The following ORAI2 variants were observed in gnomAD, a reference collection of about 807,000 sequenced individuals.
The protein encoded by ORAI2 is protein orai-2.
A neutral mutation model predicts 16.2 loss-of-function variants in ORAI2; 10 were observed. The observed-to-expected ratio is 0.62, with a 90% CI of 0.38 to 1.04. The LOEUF (loss-of-function observed/expected upper bound fraction) is 1.04, where lower values mean the gene tolerates loss of function less well. ORAI2 is among the 50% of genes least tolerant of loss of function. The pLI is 0.01. For missense variants in ORAI2, 238 were observed against 355.5 expected, an observed-to-expected ratio of 0.67 and a Z score of 2.66; for synonymous variants, 150 against 157.5, an observed-to-expected ratio of 0.95 and a Z score of 0.35.
chr7:102,441,633 T>C (rs546872753), intron 3 of ORAI2, among the ~76,000 whole-genome samples: 1 of 151,988 alleles, frequency 6.6e-6, no homozygotes, highest in Non-Finnish European at 1.5e-5. Flanking sequence ...TATTTTTTTC[T>C]TCACCTTATA....
chr7:102,443,125 C>A (rs140293242), intron 3 of ORAI2, among the ~76,000 whole-genome samples: 1 of 26,622 alleles, frequency 3.8e-5, no homozygotes, highest in African/African-American at 7.3e-5. Context: ...TCTTCTTCTT[C>A]TTCTTCTTTT....
At chr7:102,443,156 G>T (rs1797259248) in intron 3 of ORAI2, among the ~76,000 whole-genome samples, 1 of 139,072 alleles carries the variant, frequency 7.2e-6, no homozygotes, top group Admixed American at 7.4e-5. Context: ...AATAGAGATG[G>T]GGTCTCGTTT....
chr7:102,444,958 C>T (rs1017251913), intron 3 of ORAI2, among the ~76,000 whole-genome samples: 12 of 152,012 alleles, frequency 7.9e-5, no homozygotes, highest in African/African-American at 2.7e-4. Context: ...TGAGCCACCG[C>T]GCCTGGCTGA....
rs1043811879 is a variant in ORAI2, at chr7:102,456,078, G to C, written c.*9026G>C. On this transcript the variant is annotated 3_prime_UTR_variant, in exon 4 of 4. Coordinates refer to ENST00000495936, the MANE Select transcript of ORAI2 (RefSeq NM_001126340.3). Reference sequence around the variant, plus strand: ...CATTTTGTCCCATAGTGGTGGGAGAGAGGGCTGGCCACATGGGTCCAGGCC... The same window carrying C: ...CATTTTGTCCCATAGTGGTGGGAGACAGGGCTGGCCACATGGGTCCAGGCC... 6.5e-6 allele frequency: 1 copy of C among 153,470 alleles called. No homozygotes were observed. The highest frequency in any genetic ancestry group is 2.4e-5 in the African/African-American group (1 of 41,382). The allele number at this position is 153,470 out of a possible 1,614,324, so 9.5% of individuals were successfully genotyped here.
chr7:102,444,263 A>AT (rs1016467069), intron 3 of ORAI2, among the ~76,000 whole-genome samples: 3 of 149,450 alleles, frequency 2.0e-5, no homozygotes, highest in African/African-American at 7.4e-5. Flanking sequence ...TTATTTATTT[A>AT]TTTTTTTGTG....
intron 3 of ORAI2, among the ~76,000 whole-genome samples, chr7:102,444,501 C>CT (rs896267650): frequency 1.7e-5 from 1 of 58,372 alleles, no homozygotes; most frequent in Non-Finnish European, 5.1e-5. Context: ...GATCCGCCCC[C>CT]CCCCGCCCCC....
chr7:102,452,165 C>CGAA lies in ORAI2; in HGVS notation c.*5113_*5114insGAA, dbSNP rs1797539710. The stretch of plus-strand genomic sequence containing the variant: ...TTTTTTTTTTTGAGACAGAGTCGCT[C>CGAA]TGTCACCCAAGCTGGAATGCGGTGG... On this transcript the variant is annotated 3_prime_UTR_variant, in exon 4 of 4. Coordinates refer to ENST00000495936, the MANE Select transcript of ORAI2 (RefSeq NM_001126340.3). The CGAA allele has an allele frequency of 6.6e-6, 1 of 151,394 alleles. No homozygotes were observed. Among genetic ancestry groups the CGAA allele is most frequent in the Non-Finnish European group, 1.5e-5 (1 of 67,980 alleles). The allele number at this position is 151,394 out of a possible 1,614,324, so 9.4% of individuals were successfully genotyped here. A position where few individuals can be genotyped will look rare whatever the true frequency, so the allele number is the denominator to read the frequency against.
chr7:102,445,801 T>C lies in ORAI2; in HGVS notation c.226-712T>C, dbSNP rs568937861. On this transcript the variant is annotated intron_variant, in intron 3 of 3. Transcript: ENST00000495936. ...CAGCCAGTTTTTCACTTCTTTCTTT[T>C]GTTTCCTTCCTTCCTTCCTCCCTCC... is the stretch of plus-strand genomic sequence containing the variant. 7.9e-4 allele frequency among the ~76,000 whole-genome samples: 111 copies of C among 141,268 alleles called. 2 individuals are homozygous for C. Among genetic ancestry groups the C allele is most frequent in the South Asian group, 2.6e-3 (11 of 4,276 alleles). 92.7% of individuals were successfully genotyped at this position (141,268 alleles called of 152,430 possible).
At position 102,447,554 on chromosome 7, in the gene ORAI2, G is replaced by A. The variant is rs182356251; in HGVS notation, c.*502G>A. ...GGCGTTTGAGTGGGTGCAGGTGCAC[G>A]CCAGGGCTTGGTGCTTCCCTGCCTG... On this transcript the variant is annotated 3_prime_UTR_variant, in exon 4 of 4. Coordinates refer to ENST00000495936, the MANE Select transcript of ORAI2 (RefSeq NM_001126340.3). 71 of 156,744 alleles carry A rather than the reference G, an allele frequency of 4.5e-4. 1 individual carries two copies. The highest frequency in any genetic ancestry group is 1.3e-3 in the South Asian group (7 of 5,192). The allele number at this position is 156,744 out of a possible 1,614,324, so 9.7% of individuals were successfully genotyped here. A position where few individuals can be genotyped will look rare whatever the true frequency, so the allele number is the denominator to read the frequency against.
In ORAI2 at chr7:102,447,758, A is replaced by AT. The variant is rs961970018; in HGVS notation, c.*707dup. On this transcript the variant is annotated 3_prime_UTR_variant, in exon 4 of 4. Transcript: ENST00000495936. ...AGACATGTTCACGGGCATCTATCAG[A>AT]TGCCCCCTTGAGGAGGCTGAGTTAT... 3.3e-5 allele frequency: 5 copies of AT among 152,382 alleles called. No individual in the cohort carries two copies. Among genetic ancestry groups the AT allele is most frequent in the Admixed American group, 3.3e-4 (5 of 15,280 alleles). The allele number at this position is 152,382 out of a possible 1,614,324, so 9.4% of individuals were successfully genotyped here.
rs980494873 is a variant in ORAI2, at chr7:102,451,050, A to C, written c.*3998A>C. ...ACCCTGTCTCTACTAAAAATACAAAAATTAGCCGGGCGTAGTGACACACGC... is the reference window on the plus strand; with the variant it reads ...ACCCTGTCTCTACTAAAAATACAAACATTAGCCGGGCGTAGTGACACACGC... On this transcript the variant is annotated 3_prime_UTR_variant, in exon 4 of 4. Coordinates refer to ENST00000495936, the MANE Select transcript of ORAI2 (RefSeq NM_001126340.3). The C allele has an allele frequency of 6.6e-6, 1 of 151,884 alleles. No homozygotes were observed. The highest frequency in any genetic ancestry group is 1.5e-5 in the Non-Finnish European group (1 of 68,014). The allele number at this position is 151,884 out of a possible 1,614,324, so 9.4% of individuals were successfully genotyped here.
At position 102,455,252 on chromosome 7, in the gene ORAI2, G is replaced by A. The variant is rs2133246108; in HGVS notation, c.*8200G>A. 6.6e-6 allele frequency: 1 copy of A among 152,538 alleles called. No homozygotes were observed. The highest frequency in any genetic ancestry group is 1.9e-4 in the East Asian group (1 of 5,192). The allele number at this position is 152,538 out of a possible 1,614,324, so 9.4% of individuals were successfully genotyped here. ...AGGAAAAGAAAAAGGAAACATACGA[G>A]GCTATGGGGCCGTGTACGGGGGCCA... On this transcript the variant is annotated 3_prime_UTR_variant, in exon 4 of 4. Coordinates refer to ENST00000495936, the MANE Select transcript of ORAI2 (RefSeq NM_001126340.3).
rs1369784296 is a variant in ORAI2 at position 102,447,067 on chromosome 7, G to A, written c.*15G>A. The A allele has an allele frequency of 1.3e-6, 2 of 1,515,800 alleles. No individual in the cohort carries two copies. The highest frequency in any genetic ancestry group is 2.5e-5 in the East Asian group (1 of 40,742). 93.9% of individuals were successfully genotyped at this position (1,515,800 alleles called of 1,614,324 possible). A position where few individuals can be genotyped will look rare whatever the true frequency, so the allele number is the denominator to read the frequency against. ...AGGTCTTGTGAGGGGCCGAGGGCCG[G>A]GGCTGGGAGCGGCCCTGTGCCCGGG... On this transcript the variant is annotated 3_prime_UTR_variant, in exon 4 of 4. Transcript: ENST00000495936.
At position 102,446,414 on chromosome 7, in the gene ORAI2, C is replaced by T. The variant is rs977740702; in HGVS notation, c.226-99C>T. On this transcript the variant is annotated intron_variant, in intron 3 of 3. Coordinates refer to ENST00000495936, the MANE Select transcript of ORAI2 (RefSeq NM_001126340.3). ...GCAAGCCCATGGCTACCCTGTCCCCCGAACCTGGCCCAGCCCCTGCTCTGC... is the reference window on the plus strand; with the variant it reads ...GCAAGCCCATGGCTACCCTGTCCCCTGAACCTGGCCCAGCCCCTGCTCTGC... 29 of 1,318,434 alleles carry T rather than the reference C, an allele frequency of 2.2e-5. No individual in the cohort carries two copies. The African/African-American group carries it at 2.9e-4, about 13-fold the overall frequency. 81.7% of individuals were successfully genotyped at this position (1,318,434 alleles called of 1,614,324 possible). A position where few individuals can be genotyped will look rare whatever the true frequency, so the allele number is the denominator to read the frequency against.
chr7:102,446,262 G>A (rs1442084485), intron 3 of ORAI2, among the ~76,000 whole-genome samples: 1 of 152,230 alleles, frequency 6.6e-6, no homozygotes, highest in Non-Finnish European at 1.5e-5. Context: ...CTGTACTGTT[G>A]AGATGTTTTT....
rs1244211849 is a variant in ORAI2 at position 102,447,083 on chromosome 7, T to A, written c.*31T>A. The stretch of plus-strand genomic sequence containing the variant: ...CGAGGGCCGGGGCTGGGAGCGGCCC[T>A]GTGCCCGGGAGTCCGCAGAGGCGGG... On this transcript the variant is annotated 3_prime_UTR_variant, in exon 4 of 4. Transcript: ENST00000495936. 6.7e-7 allele frequency: 1 copy of A among 1,492,238 alleles called. No homozygotes were observed. The highest frequency in any genetic ancestry group is 2.3e-5 in the Admixed American group (1 of 43,916). The allele number at this position is 1,492,238 out of a possible 1,614,324, so 92.4% of individuals were successfully genotyped here.
intron 2 of ORAI2, among the ~76,000 whole-genome samples, chr7:102,438,234 G>A (rs1052266134): frequency 6.7e-6 from 1 of 149,196 alleles, no homozygotes; most frequent in Non-Finnish European, 1.5e-5. Flanking sequence ...TGTAGTCCCA[G>A]GTACTTGGGA....
chr7:102,436,199 C>T (rs946736119), intron 1 of ORAI2, 26 bp from the exon 2 acceptor site: 16 of 491,472 alleles, frequency 3.3e-5, no homozygotes, highest in Non-Finnish European at 4.2e-5. Flanking sequence ...CTACGGATTG[C>T]AGCGTTTCTC....
At chr7:102,438,173 C>T (rs1445466173) in intron 2 of ORAI2, among the ~76,000 whole-genome samples, 2 of 151,470 alleles carry the variant, frequency 1.3e-5, no homozygotes, top group African/African-American at 4.9e-5. Flanking sequence ...CATGGTGAAA[C>T]TCCATCTCTA....
Sources: allele counts gnomAD v4.1 joint callset (sites outside exome capture counted in the v4.1 genomes callset), GRCh38; gene constraint gnomAD v4.1.1; transcripts MANE v1.5; gene names NCBI Gene and HGNC (gene_info 2026-07-23, HGNC 2026-07-21).